METTL9: variants seen among roughly 807,000 people sequenced by gnomAD.
The protein encoded by METTL9 is protein-L-histidine N-pros-methyltransferase.
A neutral mutation model predicts 36.0 loss-of-function variants in METTL9; 10 were observed. The observed-to-expected ratio is 0.28, with a 90% CI of 0.17 to 0.47. METTL9 has a LOEUF of 0.47. Ranked by LOEUF, METTL9 falls within the 20% of genes least tolerant of loss-of-function variation. The pLI is 0.99. For synonymous variants in METTL9, 175 were observed against 149.7 expected, an observed-to-expected ratio of 1.17 and a Z score of -1.23; for missense variants, 246 against 383.5, an observed-to-expected ratio of 0.64 and a Z score of 3.00.
intron 3 of METTL9, among the ~76,000 whole-genome samples, chr16:21,619,061 T>C (rs1965627002): frequency 6.6e-6 from 1 of 152,176 alleles, no homozygotes; most frequent in Non-Finnish European, 1.5e-5. Context: ...TGTTTACCCA[T>C]TTATCTGTCA....
At chr16:21,630,191 A>G (rs903665842) in intron 4 of METTL9, among the ~76,000 whole-genome samples, 1 of 152,190 alleles carries the variant, frequency 6.6e-6, no homozygotes, top group Admixed American at 6.5e-5. Flanking sequence ...ACTTTGCGGC[A>G]CCTAGCCTGG....
rs765948555 is a variant in METTL9, at chr16:21,599,745, G to A, written c.12G>A (p.Leu4=). MRL[L]AGWLCLSLAS... is the part of the protein sequence containing the mutation. ...GGCCGCGGCCCCCGATGAGACTGCT[G>A]GCGGGCTGGCTGTGCCTGAGCCTGG... is the stretch of plus-strand genomic sequence containing the variant. The change falls in exon 1 of 5, where the codon CTG becomes CTA. Residue 4 remains leucine, a synonymous_variant. Transcript: ENST00000358154. The surrounding 1 kb of genome is among the most constrained non-coding windows in gnomAD (Gnocchi z 4.4). 8 of 1,522,802 alleles carry A rather than the reference G, an allele frequency of 5.3e-6. No homozygotes were observed. In the Admixed American group the frequency reaches 1.4e-4, roughly 27 times the overall value. 94.3% of individuals were successfully genotyped at this position (1,522,802 alleles called of 1,614,324 possible).
chr16:21,607,951 C>T (rs1011508867), intron 1 of METTL9, among the ~76,000 whole-genome samples: 7 of 152,128 alleles, frequency 4.6e-5, no homozygotes, highest in Non-Finnish European at 1.0e-4. Flanking sequence ...GAGATCAAGA[C>T]CAGCCTGGCC....
At chr16:21,649,236 G>T (rs1423145290) in intron 4 of METTL9, among the ~76,000 whole-genome samples, 1 of 152,108 alleles carries the variant, frequency 6.6e-6, no homozygotes, top group Admixed American at 6.6e-5. Context: ...CAAGCGACCC[G>T]CTTGCCTCGG....
At chr16:21,649,865 C>T (rs912751867) in intron 4 of METTL9, among the ~76,000 whole-genome samples, 8 of 151,986 alleles carry the variant, frequency 5.3e-5, no homozygotes, top group East Asian at 1.9e-4. Context: ...TGCACCACCA[C>T]GCCTGGCTAA....
intron 4 of METTL9, chr16:21,643,502 C>G (rs772796811): frequency 8.0e-7 from 1 of 1,249,172 alleles, no homozygotes; most frequent in Non-Finnish European, 1.1e-6. Context: ...GAAATCGTTA[C>G]AACCAGCCAC....
At chr16:21,618,188 TTA>T in intron 3 of METTL9, 114 bp downstream of exon 3, 1 of 838,760 alleles carries the variant, frequency 1.2e-6, no homozygotes, top group South Asian at 2.1e-5. Context: ...TCATACATAA[TTA>T]ACTGGAAATG....
At chr16:21,641,908 G>A in intron 4 of METTL9, 1 of 196,396 alleles carries the variant, frequency 5.1e-6, no homozygotes, top group Non-Finnish European at 1.0e-5. Flanking sequence ...GCCTCAGAAA[G>A]AAAAATGATT....
chr16:21,603,192 T>G (rs1189917149), intron 1 of METTL9, among the ~76,000 whole-genome samples: 2 of 149,862 alleles, frequency 1.3e-5, no homozygotes, highest in Non-Finnish European at 1.5e-5. Context: ...CAGGCTGGAG[T>G]GTAGTGGCAC....
chr16:21,609,224 C>T lies in METTL9; in HGVS notation c.166-3421C>T, dbSNP rs139653855. On this transcript the variant is annotated intron_variant, in intron 1 of 4. Transcript: ENST00000358154. The stretch of plus-strand genomic sequence containing the variant: ...GAAATTGACAGAAACCCCATGGCAG[C>T]GATCTCTGTGGTTATCCTTATGTTT... Among the ~76,000 whole-genome samples, 685 of 152,160 alleles carry T rather than the reference C, an allele frequency of 4.5e-3. 3 individuals are homozygous for T. The highest frequency in any genetic ancestry group is 8.1e-3 in the Non-Finnish European group (550 of 67,996).
At chr16:21,602,359 A>AG (rs1965155774) in intron 1 of METTL9, among the ~76,000 whole-genome samples, 1 of 152,198 alleles carries the variant, frequency 6.6e-6, no homozygotes, top group Admixed American at 6.5e-5. Context: ...TGGAGAGGCA[A>AG]GGCTCCTTTG....
Position 21,599,758 on chromosome 16 carries a change from T to A in METTL9, c.25T>A (p.Cys9Ser). MRLLAGWL[C>S]LSLASVWLAR... ...GATGAGACTGCTGGCGGGCTGGCTG[T>A]GCCTGAGCCTGGCGTCCGTGTGGCT... Residue 9 changes from cysteine to serine, a missense_variant, in exon 1 of 5, where the codon TGC (cysteine) becomes AGC (serine). Physicochemically the swap from Cys to Ser is moderately radical, Grantham distance 112. This residue lies in a region of METTL9 where 100 missense variants were observed against 81.4 expected (regional missense o/e 1.23). Coordinates refer to ENST00000358154, the MANE Select transcript of METTL9 (RefSeq NM_016025.5). This position sits in a 1 kb window ranked among gnomAD's most constrained non-coding sequence, Gnocchi z 4.4. 1 of 1,533,276 alleles carries A rather than the reference T, an allele frequency of 6.5e-7. No individual in the cohort carries two copies. The highest frequency in any genetic ancestry group is 1.2e-5 in the South Asian group (1 of 82,922). The allele number at this position is 1,533,276 out of a possible 1,614,324, so 95.0% of individuals were successfully genotyped here. A position where few individuals can be genotyped will look rare whatever the true frequency, so the allele number is the denominator to read the frequency against.
intron 4 of METTL9, among the ~76,000 whole-genome samples, chr16:21,629,082 CAG>C (rs1567335999): frequency 1.3e-5 from 2 of 151,932 alleles, no homozygotes; most frequent in South Asian, 4.2e-4. Flanking sequence ...TTAGTAGAGA[CAG>C]GGTTTCGCTA....
chr16:21,615,053 T>C (rs899079994), intron 2 of METTL9, among the ~76,000 whole-genome samples: 4 of 152,194 alleles, frequency 2.6e-5, no homozygotes, highest in African/African-American at 9.6e-5. Flanking sequence ...TTGTGATTAC[T>C]GGAAACTCTC....
At chr16:21,600,473 C>T (rs1965092264) in intron 1 of METTL9, among the ~76,000 whole-genome samples, 1 of 152,188 alleles carries the variant, frequency 6.6e-6, no homozygotes, top group African/African-American at 2.4e-5. Context: ...GACAGGTTGT[C>T]GCTCCCATCC....
At chr16:21,642,970 T>C (rs1597782575) in intron 4 of METTL9, 4 of 701,330 alleles carry the variant, frequency 5.7e-6, no homozygotes, top group Non-Finnish European at 9.9e-6. Context: ...TCTTTCAGAC[T>C]CTTCTGAAGG....
At chr16:21,623,176 A>C (rs1337775132) in intron 3 of METTL9, among the ~76,000 whole-genome samples, 2 of 152,176 alleles carry the variant, frequency 1.3e-5, no homozygotes, top group African/African-American at 4.8e-5. Flanking sequence ...TACTTATTTC[A>C]AACAGTATTT....
intron 4 of METTL9, chr16:21,640,845 C>T (rs1160785110): frequency 6.6e-6 from 1 of 151,586 alleles, no homozygotes; most frequent in Non-Finnish European, 1.5e-5. Flanking sequence ...CCACATCTTC[C>T]CTGGTGCTGT....
At chr16:21,633,079 C>T (rs371468885) in intron 4 of METTL9, among the ~76,000 whole-genome samples, 5 of 152,212 alleles carry the variant, frequency 3.3e-5, no homozygotes, top group East Asian at 1.9e-4. Flanking sequence ...ATCTGGGGAT[C>T]CATAGTCAGC....
Sources: gnomAD v4.1 joint callset for allele counts (sites outside exome capture counted in the v4.1 genomes callset) on GRCh38, gnomAD v4.1.1 for gene constraint, gnomAD v4.1.1 regional missense constraint, Gnocchi (gnomAD v3.1) non-coding constraint, MANE v1.5 for transcripts, NCBI Gene and HGNC (gene_info 2026-07-23, HGNC 2026-07-21) for gene names.